BRINP1: variants seen among roughly 807,000 people sequenced by gnomAD.
BRINP1 encodes the protein BMP/retinoic acid inducible neural specific 1, also known as BMP/retinoic acid-inducible neural-specific protein 1.
Under a neutral mutation model 72.9 loss-of-function variants are expected in BRINP1, and 17 were observed. The observed-to-expected ratio is 0.23, with a 90% CI of 0.16 to 0.35. The LOEUF is 0.35. Among genes scored for constraint, BRINP1 ranks in the 10% least tolerant of loss-of-function variants. BRINP1 has a pLI of 1.00. For synonymous variants in BRINP1, 418 were observed against 378.5 expected (o/e 1.10, Z -1.21); for missense variants, 850 against 1,001.6 (o/e 0.85, Z 2.04).
At chr9:119,203,916 TACTC>T (rs1199932303) in intron 7 of BRINP1, among the ~76,000 whole-genome samples, 3 of 152,132 alleles carry the variant, frequency 2.0e-5, no homozygotes, top group African/African-American at 7.2e-5. Context: ...CACCTCCCAA[TACTC>T]ACACCCTTGA....
At chr9:119,177,146 A>G (rs764229016) in intron 7 of BRINP1, among the ~76,000 whole-genome samples, 1 of 151,910 alleles carries the variant, frequency 6.6e-6, no homozygotes, top group Non-Finnish European at 1.5e-5. Context: ...GAATATTCAT[A>G]TTTTTCTTGT....
At chr9:119,279,995 A>G (rs1185223115) in intron 2 of BRINP1, among the ~76,000 whole-genome samples, 1 of 152,218 alleles carries the variant, frequency 6.6e-6, no homozygotes, top group African/African-American at 2.4e-5. Context: ...TGCTATATGT[A>G]CAAAAAGATC....
chr9:119,335,377 A>C (rs763026991), intron 1 of BRINP1, among the ~76,000 whole-genome samples: 3 of 152,152 alleles, frequency 2.0e-5, no homozygotes, highest in Non-Finnish European at 4.4e-5. Context: ...TGGAAGTTTT[A>C]AATTATCTCT....
At chr9:119,333,748 A>G (rs1224321202) in intron 1 of BRINP1, among the ~76,000 whole-genome samples, 2 of 152,186 alleles carry the variant, frequency 1.3e-5, no homozygotes, top group Non-Finnish European at 2.9e-5. Flanking sequence ...ATCTATGCAT[A>G]AGAAAGGAAG....
At chr9:119,333,407 G>A (rs1338492359) in intron 1 of BRINP1, among the ~76,000 whole-genome samples, 2 of 147,128 alleles carry the variant, frequency 1.4e-5, no homozygotes, top group African/African-American at 2.5e-5. Flanking sequence ...AGGCTGTAGT[G>A]AGCCAAGATC....
At chr9:119,314,089 A>G (rs1273808192) in intron 1 of BRINP1, among the ~76,000 whole-genome samples, 1 of 152,194 alleles carries the variant, frequency 6.6e-6, no homozygotes. Context: ...CGTTCAATGG[A>G]ATGTCTCCCA....
chr9:119,364,278 G>C (rs535808405), intron 1 of BRINP1, among the ~76,000 whole-genome samples: 48 of 152,070 alleles, frequency 3.2e-4, no homozygotes, highest in Non-Finnish European at 6.5e-4. Flanking sequence ...GATGATTTAG[G>C]GGCAAAGTAA....
chr9:119,220,096 GAC>G (rs935959236), intron 5 of BRINP1, among the ~76,000 whole-genome samples: 4 of 152,166 alleles, frequency 2.6e-5, no homozygotes, highest in African/African-American at 9.7e-5. Context: ...AGGGAAGGGT[GAC>G]ACAAAGCAGA....
chr9:119,209,826 G>T (rs76744106), intron 6 of BRINP1, among the ~76,000 whole-genome samples: 6,523 of 152,196 alleles, frequency 0.043, 458 homozygotes, highest in African/African-American at 0.15. Context: ...TAATCTGCAG[G>T]TTCCACAGAG....
intron 5 of BRINP1, among the ~76,000 whole-genome samples, chr9:119,216,549 C>A (rs1829979944): frequency 1.3e-5 from 2 of 152,162 alleles, no homozygotes; most frequent in Admixed American, 1.3e-4. Flanking sequence ...GTCTACAATT[C>A]TTTTAGTCAT....
chr9:119,166,793 C>T lies in BRINP1; in HGVS notation c.*291G>A, dbSNP rs1458107952. The stretch of plus-strand genomic sequence containing the variant: ...TACAATTCATTGCATATGCTTTCTC[C>T]CTTCTCCCCCAATACAGCACCTGAG... On this transcript the variant is annotated 3_prime_UTR_variant, in exon 8 of 8. Transcript: ENST00000265922. The T allele has an allele frequency of 2.9e-5, 9 of 313,290 alleles. No homozygotes were observed. Among genetic ancestry groups the T allele is most frequent in the South Asian group, 1.5e-4 (3 of 19,676 alleles). The allele number at this position is 313,290 out of a possible 1,614,324, so 19.4% of individuals were successfully genotyped here.
chr9:119,168,251 G>C (rs1829345356), intron 7 of BRINP1, 27 bp from the exon 8 acceptor site: 2 of 1,475,994 alleles, frequency 1.4e-6, no homozygotes, highest in South Asian at 1.4e-5. Flanking sequence ...AATTGGAGAA[G>C]GTTAGCTACC....
intron 7 of BRINP1, among the ~76,000 whole-genome samples, chr9:119,189,018 C>T (rs772610302): frequency 7.9e-5 from 12 of 152,006 alleles, no homozygotes; most frequent in Non-Finnish European, 1.5e-4. Flanking sequence ...CAGTATAAAA[C>T]ATATAAATTG....
chr9:119,334,985 T>C (rs1173375185), intron 1 of BRINP1, among the ~76,000 whole-genome samples: 1 of 152,104 alleles, frequency 6.6e-6, no homozygotes, highest in Admixed American at 6.5e-5. Context: ...AGATATACTG[T>C]GGGAGCTCAG....
chr9:119,318,876 T>C (rs2119001983), intron 1 of BRINP1, among the ~76,000 whole-genome samples: 1 of 151,654 alleles, frequency 6.6e-6, no homozygotes, highest in African/African-American at 2.4e-5. Context: ...TGTGTGTGTG[T>C]GTGTGTGTGC....
intron 1 of BRINP1, among the ~76,000 whole-genome samples, chr9:119,363,507 G>A (rs1008336383): frequency 1.3e-5 from 2 of 152,230 alleles, no homozygotes; most frequent in East Asian, 3.9e-4. Context: ...TTTCTCAGAG[G>A]AGGCTTCTCC....
At chr9:119,183,747 T>C (rs1829581881) in intron 7 of BRINP1, among the ~76,000 whole-genome samples, 3 of 152,230 alleles carry the variant, frequency 2.0e-5, no homozygotes, top group African/African-American at 7.2e-5. Context: ...CTGTTTGTTC[T>C]CTAATTTTGA....
chr9:119,361,728 C>A (rs1209602263), intron 1 of BRINP1, among the ~76,000 whole-genome samples: 2 of 151,570 alleles, frequency 1.3e-5, no homozygotes, highest in Non-Finnish European at 2.9e-5. Flanking sequence ...TCAAGTGATC[C>A]TCCTACCTCA....
At position 119,238,747 on chromosome 9, in the gene BRINP1, C is replaced by T. The variant is rs1335835574; in HGVS notation, c.593G>A (p.Arg198His). The T allele has an allele frequency of 5.0e-6, 8 of 1,605,368 alleles. No homozygotes were observed. The highest frequency in any genetic ancestry group is 1.1e-5 in the South Asian group (1 of 90,182). Residue 198 changes from arginine to histidine, a missense_variant, in exon 5 of 8, where the codon CGC (arginine) becomes CAC (histidine). Physicochemically the swap from Arg to His is conservative, Grantham distance 29. Transcript: ENST00000265922. ...STGAIKVTET[R>H]TGPLGCNSYD... Reference sequence around the variant, plus strand: ...GCTGTTACAGCCCAGAGGCCCAGTGCGTGTCTCTGTGACCTGCAGTAGATA... The same window carrying T: ...GCTGTTACAGCCCAGAGGCCCAGTGTGTGTCTCTGTGACCTGCAGTAGATA...
Sources: gnomAD v4.1 joint callset for allele counts (sites outside exome capture counted in the v4.1 genomes callset) on GRCh38, gnomAD v4.1.1 for gene constraint, MANE v1.5 for transcripts, NCBI Gene and HGNC (gene_info 2026-07-23, HGNC 2026-07-21) for gene names.